NUP214: variants seen among roughly 807,000 people sequenced by gnomAD.
NUP214 encodes nuclear pore complex protein Nup214.
In NUP214, 79 loss-of-function variants were observed where a neutral mutation model predicts 196.2. That is an observed-to-expected ratio of 0.40 (90% CI 0.34 to 0.49). The LOEUF is 0.49. NUP214 is among the 20% of genes least tolerant of loss of function. The pLI is 0.58. For missense variants in NUP214, 2,468 were observed against 2,539.0 expected (o/e 0.97, Z 0.60); for synonymous variants, 1,020 against 990.5 (o/e 1.03, Z -0.56).
At chr9:131,157,140 GT>G (rs35205694) in intron 17 of NUP214, among the ~76,000 whole-genome samples, 77 of 147,584 alleles carry the variant, frequency 5.2e-4, no homozygotes, top group African/African-American at 1.7e-3. Context: ...GTTTAGCTCT[GT>G]TTTTTTTTTT....
chr9:131,227,062 G>C (rs1019359764), intron 32 of NUP214, among the ~76,000 whole-genome samples: 2 of 152,238 alleles, frequency 1.3e-5, no homozygotes, highest in African/African-American at 4.8e-5. Flanking sequence ...CTCCCAGTTA[G>C]AGCACATTTC....
At chr9:131,135,841 C>T (rs1210882286) in intron 8 of NUP214, 99 bp from the exon 9 acceptor site, 9 of 822,320 alleles carry the variant, frequency 1.1e-5, no homozygotes, top group Non-Finnish European at 1.6e-5. Flanking sequence ...CTCTCTTTGA[C>T]ATGTGGAGGC....
At position 131,154,661 on chromosome 9, in the gene NUP214, T is replaced by C. The variant is rs145181098; in HGVS notation, c.2436+2767T>C. The stretch of plus-strand genomic sequence containing the variant: ...CGCGCCTGTTCCGTTGTATCATTCT[T>C]ATCCCTTTGCATCCTCATAGTTTAG... On this transcript the variant is annotated intron_variant, in intron 17 of 35. Coordinates refer to ENST00000359428, the MANE Select transcript of NUP214 (RefSeq NM_005085.4). Among the ~76,000 whole-genome samples the C allele has an allele frequency of 4.3e-3, 653 of 152,370 alleles. 4 individuals are homozygous for C. The highest frequency in any genetic ancestry group is 0.015 in the African/African-American group (626 of 41,594).
At chr9:131,215,404 C>A in intron 31 of NUP214, 36 bp downstream of exon 31, 3 of 1,486,788 alleles carry the variant, frequency 2.0e-6, no homozygotes, top group African/African-American at 1.4e-5. Context: ...CCCTTGGTCC[C>A]CTAATGCCAT....
Position 131,163,007 on chromosome 9 carries a change from G to A in NUP214, c.2557G>A (p.Glu853Lys). 2 of 1,614,114 alleles carry A rather than the reference G, an allele frequency of 1.2e-6. No individual in the cohort carries two copies. Among genetic ancestry groups the A allele is most frequent in the Non-Finnish European group, 1.7e-6 (2 of 1,180,018 alleles). The stretch of plus-strand genomic sequence containing the variant: ...TGTCAACAGGCACCTGCTTGTGCCA[G>A]AGCGAGAGACACTGTTTAACACCCT... ...KKKQRHLLVP[E>K]RETLFNTLAN... Residue 853 changes from glutamate (E) to lysine (K), a missense_variant, in exon 19 of 36, where the codon GAG becomes AAG. This residue lies in a region of NUP214 where 1,801 missense variants were observed against 1,779.4 expected (regional missense o/e 1.01). Transcript: ENST00000359428.
rs1833827593 is a variant in NUP214 at position 131,197,625 on chromosome 9, C to T, written c.4131C>T (p.Pro1377=). The change falls in exon 29 of 36, where the codon CCC becomes CCT. Residue 1377 remains proline, a synonymous_variant. Coordinates refer to ENST00000359428, the MANE Select transcript of NUP214 (RefSeq NM_005085.4). ...GVPSGFNFTA[P]PVLGKHTEPP... ...CCTCAGGGTTTAATTTTACTGCCCCCCCGGTGTTAGGGAAGCACACGGAGC... is the reference window on the plus strand; with the variant it reads ...CCTCAGGGTTTAATTTTACTGCCCCTCCGGTGTTAGGGAAGCACACGGAGC... The T allele has an allele frequency of 6.2e-7, 1 of 1,614,158 alleles. No individual in the cohort carries two copies. The highest frequency in any genetic ancestry group is 8.5e-7 in the Non-Finnish European group (1 of 1,180,024).
chr9:131,176,995 C>T (rs1833139160), intron 23 of NUP214, among the ~76,000 whole-genome samples: 2 of 152,008 alleles, frequency 1.3e-5, no homozygotes, highest in African/African-American at 4.8e-5. Context: ...TTATCTAGCC[C>T]CAAAATGTCA....
chr9:131,188,419 T>C (rs528888972), intron 25 of NUP214, among the ~76,000 whole-genome samples: 1 of 152,358 alleles, frequency 6.6e-6, no homozygotes, highest in East Asian at 1.9e-4. Flanking sequence ...TCACTACTCT[T>C]ACATCTGTCT....
At chr9:131,223,129 A>G (rs1160433947) in intron 32 of NUP214, among the ~76,000 whole-genome samples, 199 bp downstream of exon 32, 1 of 151,876 alleles carries the variant, frequency 6.6e-6, no homozygotes, top group African/African-American at 2.4e-5. Context: ...CTTCCAAAAC[A>G]TGTTTAAAAG....
intron 30 of NUP214, among the ~76,000 whole-genome samples, chr9:131,202,092 T>G (rs562386922): frequency 6.6e-6 from 1 of 152,274 alleles, no homozygotes; most frequent in South Asian, 2.1e-4. Flanking sequence ...GCCTCCCCAG[T>G]AGTTTGGATT....
At chr9:131,215,592 G>A (rs1472700146) in intron 31 of NUP214, among the ~76,000 whole-genome samples, 2 of 152,132 alleles carry the variant, frequency 1.3e-5, no homozygotes, top group African/African-American at 2.4e-5. Context: ...TGCAGGGAGA[G>A]GATCTGTGTA....
At chr9:131,150,432 GT>G in intron 15 of NUP214, 22 bp downstream of exon 15, 1 of 1,612,764 alleles carries the variant, frequency 6.2e-7, no homozygotes, top group African/African-American at 1.3e-5. Context: ...TCCTGAGGGT[GT>G]TTTTCTGAAA....
intron 31 of NUP214, among the ~76,000 whole-genome samples, chr9:131,218,108 T>C (rs1398989546): frequency 2.6e-5 from 4 of 152,254 alleles, no homozygotes; most frequent in African/African-American, 4.8e-5. Flanking sequence ...ATCTTCTAAA[T>C]GTTGGCTGTT....
At chr9:131,220,485 T>G (rs993041217) in intron 31 of NUP214, among the ~76,000 whole-genome samples, 4 of 152,342 alleles carry the variant, frequency 2.6e-5, no homozygotes, top group South Asian at 4.1e-4. Flanking sequence ...ATTCTTGGGA[T>G]CTTTTAAAAA....
intron 30 of NUP214, among the ~76,000 whole-genome samples, chr9:131,206,167 CAG>C (rs1834081002): frequency 6.3e-5 from 1 of 15,940 alleles, no homozygotes; most frequent in South Asian, 2.7e-3. Context: ...TTTTTTGAGA[CAG>C]GGTTTTACTC....
At chr9:131,204,506 CA>C (rs1468094061) in intron 30 of NUP214, among the ~76,000 whole-genome samples, 2 of 152,136 alleles carry the variant, frequency 1.3e-5, no homozygotes, top group Non-Finnish European at 2.9e-5. Context: ...CAGCCGTAGA[CA>C]ATATGTAAAC....
At chr9:131,161,608 T>G (rs1832636581) in intron 18 of NUP214, among the ~76,000 whole-genome samples, 1 of 152,146 alleles carries the variant, frequency 6.6e-6, no homozygotes, top group Non-Finnish European at 1.5e-5. Flanking sequence ...CCAGAGGCAG[T>G]CATTCAAGTC....
At chr9:131,137,847 G>A (rs910786172) in intron 9 of NUP214, among the ~76,000 whole-genome samples, 1 of 151,898 alleles carries the variant, frequency 6.6e-6, no homozygotes, top group African/African-American at 2.4e-5. Flanking sequence ...CACAGCTCCC[G>A]GTCTGGTGAT....
At chr9:131,227,315 A>C (rs1181971325) in intron 32 of NUP214, among the ~76,000 whole-genome samples, 1 of 152,212 alleles carries the variant, frequency 6.6e-6, no homozygotes. Flanking sequence ...GCCTGAGCCC[A>C]CTGGGCAGCA....
Sources: gnomAD v4.1 joint callset for allele counts (sites outside exome capture counted in the v4.1 genomes callset) on GRCh38, gnomAD v4.1.1 for gene constraint, gnomAD v4.1.1 regional missense constraint, MANE v1.5 for transcripts, NCBI Gene and HGNC (gene_info 2026-07-23, HGNC 2026-07-21) for gene names.